The following SAMD3 variants were observed in gnomAD, a reference collection of about 807,000 sequenced individuals.
The protein encoded by SAMD3 is sterile alpha motif domain-containing protein 3.
SAMD3 carries 63 observed loss-of-function variants against 58.5 expected under a neutral mutation model. The observed-to-expected ratio is 1.08, with a 90% CI of 0.88 to 1.33. The LOEUF (loss-of-function observed/expected upper bound fraction) is 1.33. Ranked by LOEUF, SAMD3 falls within the 40% of genes most tolerant of loss-of-function variation. The pLI is 0.00. For synonymous variants in SAMD3, 220 were observed against 210.3 expected, an observed-to-expected ratio of 1.05 and a Z score of -0.40; for missense variants, 604 against 608.4, an observed-to-expected ratio of 0.99 and a Z score of 0.08.
chr6:130,229,806 T>C (rs538899455), intron 2 of SAMD3, among the ~76,000 whole-genome samples: 1 of 152,200 alleles, frequency 6.6e-6, no homozygotes, highest in South Asian at 2.1e-4. Context: ...CAATTCATGA[T>C]GAGTAAATGA....
intron 1 of SAMD3, among the ~76,000 whole-genome samples, chr6:130,353,353 A>G (rs1422449729): frequency 6.6e-6 from 1 of 152,122 alleles, no homozygotes; most frequent in Non-Finnish European, 1.5e-5. Context: ...CCTAGAGGGG[A>G]GGAGAAGAGC....
At chr6:130,220,915 A>G (rs964781265) in intron 1 of SAMD3, among the ~76,000 whole-genome samples, 37 of 151,838 alleles carry the variant, frequency 2.4e-4, no homozygotes, top group South Asian at 6.2e-4. Flanking sequence ...GTGCAGTGGC[A>G]CGATCTCGGC....
At chr6:130,226,189 AT>A (rs1351981894), upstream of SAMD3, among the ~76,000 whole-genome samples, 8 of 152,090 alleles carry the variant, frequency 5.3e-5, no homozygotes, top group African/African-American at 1.9e-4. Context: ...GTTGCTGCTG[AT>A]CCCCTGTGTT....
chr6:130,196,147 T>C (rs1030382232), intron 5 of SAMD3, among the ~76,000 whole-genome samples: 3 of 152,144 alleles, frequency 2.0e-5, no homozygotes, highest in African/African-American at 7.2e-5. Context: ...GACCTTACTG[T>C]TTTAGGCTGA....
intron 2 of SAMD3, among the ~76,000 whole-genome samples, chr6:130,265,978 T>C (rs1583026373): frequency 6.6e-6 from 1 of 152,016 alleles, no homozygotes; most frequent in Non-Finnish European, 1.5e-5. Context: ...ATTAAAAAAA[T>C]GAAAAAATCC....
chr6:130,190,998 C>A (rs141076313), intron 5 of SAMD3, among the ~76,000 whole-genome samples: 58 of 151,712 alleles, frequency 3.8e-4, no homozygotes, highest in Middle Eastern at 3.4e-3. Context: ...TTAAAAGTCC[C>A]ATAGTTTAAA....
intron 1 of SAMD3, among the ~76,000 whole-genome samples, chr6:130,360,986 C>T (rs1460267783): frequency 6.6e-6 from 1 of 152,150 alleles, no homozygotes; most frequent in East Asian, 1.9e-4. Flanking sequence ...ATTCCCTGAA[C>T]AATTGCTGTT....
At chr6:130,279,471 T>C (rs1450190354) in intron 2 of SAMD3, among the ~76,000 whole-genome samples, 2 of 150,298 alleles carry the variant, frequency 1.3e-5, no homozygotes, top group African/African-American at 4.9e-5. Context: ...CATATGGAAC[T>C]GTGAATCAAT....
At chr6:130,248,574 A>G (rs1773635373) in intron 2 of SAMD3, among the ~76,000 whole-genome samples, 1 of 152,182 alleles carries the variant, frequency 6.6e-6, no homozygotes, top group Non-Finnish European at 1.5e-5. Context: ...TCTACTCACT[A>G]CACTTGTCTG....
intron 1 of SAMD3, among the ~76,000 whole-genome samples, chr6:130,216,898 G>A (rs1232962696): frequency 6.6e-6 from 1 of 151,914 alleles, no homozygotes; most frequent in Non-Finnish European, 1.5e-5. Flanking sequence ...TTAGGACTTA[G>A]GGAAAAAATA....
intron 1 of SAMD3, among the ~76,000 whole-genome samples, chr6:130,346,155 G>T (rs1379916171): frequency 6.6e-6 from 1 of 152,250 alleles, no homozygotes; most frequent in Admixed American, 6.5e-5. Flanking sequence ...TGACGCAGAA[G>T]ATGGGTGATT....
chr6:130,310,029 C>T (rs7749381), intron 2 of SAMD3, among the ~76,000 whole-genome samples: 48,363 of 152,082 alleles, frequency 0.32, 12,872 homozygotes, highest in African/African-American at 0.73. Context: ...GAGCATAACA[C>T]TGCATTTCAA....
intron 5 of SAMD3, among the ~76,000 whole-genome samples, chr6:130,200,757 C>G (rs80125190): frequency 0.015 from 2,295 of 152,088 alleles, 111 homozygotes; most frequent in East Asian, 0.11. Context: ...AGGAGGGCCT[C>G]TCTTCATTTG....
intron 2 of SAMD3, among the ~76,000 whole-genome samples, chr6:130,297,139 G>C (rs937756393): frequency 6.6e-6 from 1 of 152,176 alleles, no homozygotes; most frequent in African/African-American, 2.4e-5. Flanking sequence ...TGGTACATGG[G>C]ACAAGCTTTC....
At chr6:130,334,975 T>C (rs2115016820) in intron 1 of SAMD3, among the ~76,000 whole-genome samples, 1 of 152,366 alleles carries the variant, frequency 6.6e-6, no homozygotes, top group East Asian at 1.9e-4. Flanking sequence ...ACTCTTTTCA[T>C]TTAAAAGATT....
chr6:130,259,659 C>A (rs984308824), intron 2 of SAMD3, among the ~76,000 whole-genome samples: 7 of 152,112 alleles, frequency 4.6e-5, no homozygotes, highest in Non-Finnish European at 1.0e-4. Flanking sequence ...AAAAGGCCTG[C>A]CAGGTCAGAG....
intron 5 of SAMD3, among the ~76,000 whole-genome samples, chr6:130,186,532 G>A (rs142760213): frequency 1.1e-3 from 160 of 152,126 alleles, no homozygotes; most frequent in Non-Finnish European, 1.5e-3. Flanking sequence ...GTAAGTCTCC[G>A]CTGCAGCCCA....
intron 7 of SAMD3, among the ~76,000 whole-genome samples, chr6:130,180,062 G>A (rs555852548): frequency 1.9e-4 from 29 of 151,754 alleles, no homozygotes; most frequent in Admixed American, 5.9e-4. Context: ...TGATCCACCC[G>A]CCTCAGCCTC....
intron 2 of SAMD3, among the ~76,000 whole-genome samples, chr6:130,251,758 T>A (rs1018254961): frequency 7.9e-5 from 12 of 152,176 alleles, no homozygotes; most frequent in African/African-American, 2.9e-4. Flanking sequence ...CAATCTAGAT[T>A]TCTGTAGCTT....
Sources: allele counts gnomAD v4.1 joint callset (sites outside exome capture counted in the v4.1 genomes callset), GRCh38; gene constraint gnomAD v4.1.1; transcripts MANE v1.5; gene names NCBI Gene and HGNC (gene_info 2026-07-23, HGNC 2026-07-21).